The following SLC12A6 variants were observed in gnomAD, a reference collection of about 807,000 sequenced individuals.
SLC12A6 encodes solute carrier family 12 member 6.
Under a neutral mutation model 135.3 loss-of-function variants are expected in SLC12A6, and 66 were observed. The ratio of observed to expected loss-of-function variants is 0.49; its 90% CI spans 0.40 to 0.60. The LOEUF (loss-of-function observed/expected upper bound fraction) is 0.60, where lower values mean the gene tolerates loss of function less well. Among genes scored for constraint, SLC12A6 ranks in the 20% least tolerant of loss-of-function variants. The probability of loss-of-function intolerance (pLI) is 0.00; values close to 1 mark genes in which losing one functional copy is unlikely to be tolerated. For synonymous variants in SLC12A6, 513 were observed against 508.8 expected (o/e 1.01, Z -0.11); for missense variants, 1,058 against 1,452.3 (o/e 0.73, Z 4.41).
intron 2 of SLC12A6, among the ~76,000 whole-genome samples, chr15:34,304,651 T>C (rs347852): frequency 0.059 from 8,937 of 152,284 alleles, 846 homozygotes; most frequent in African/African-American, 0.2. Flanking sequence ...ATGTTGAGCA[T>C]CTTTTCATGT....
intron 2 of SLC12A6, among the ~76,000 whole-genome samples, chr15:34,295,615 G>T (rs558562992): frequency 6.6e-6 from 1 of 152,234 alleles, no homozygotes; most frequent in Non-Finnish European, 1.5e-5. Flanking sequence ...GATTTATAAC[G>T]ATACAGTCAT....
chr15:34,246,571 T>G (rs188545011), intron 13 of SLC12A6, among the ~76,000 whole-genome samples: 141 of 152,324 alleles, frequency 9.3e-4, no homozygotes, highest in African/African-American at 3.2e-3. Flanking sequence ...GTGTTGACTT[T>G]CTATTATATA....
At chr15:34,262,701 C>T (rs1197618938) in intron 3 of SLC12A6, among the ~76,000 whole-genome samples, 3 of 152,172 alleles carry the variant, frequency 2.0e-5, no homozygotes, top group Non-Finnish European at 4.4e-5. Flanking sequence ...TGCGGACACC[C>T]GTCTGGGCGC....
chr15:34,251,914 G>T (rs2705109), intron 10 of SLC12A6, among the ~76,000 whole-genome samples: 5 of 152,220 alleles, frequency 3.3e-5, no homozygotes, highest in Non-Finnish European at 5.9e-5. Context: ...CGTAAGGTTA[G>T]AAAGTGATTT....
chr15:34,237,277 G>A, intron 22 of SLC12A6, 142 bp downstream of exon 22: 1 of 586,504 alleles, frequency 1.7e-6, no homozygotes, highest in South Asian at 2.0e-5. Flanking sequence ...ACAAATTAGG[G>A]TTTTTTTTTG....
intron 2 of SLC12A6, among the ~76,000 whole-genome samples, chr15:34,282,734 C>T (rs577537121): frequency 6.6e-6 from 1 of 152,196 alleles, no homozygotes; most frequent in Admixed American, 6.5e-5. Flanking sequence ...CTCATTCATT[C>T]ACTCAGCACT....
intron 2 of SLC12A6, among the ~76,000 whole-genome samples, chr15:34,299,953 C>G (rs1460207330): frequency 6.6e-6 from 1 of 151,944 alleles, no homozygotes; most frequent in African/African-American, 2.4e-5. Context: ...CAAAAAATAA[C>G]AATGGACTAG....
rs1892850223 is a variant in SLC12A6 at position 34,257,740 on chromosome 15, T to C, written c.592A>G (p.Asn198Asp). 1 of 1,610,236 alleles carries C rather than the reference T, an allele frequency of 6.2e-7. No individual in the cohort carries two copies. The highest frequency in any genetic ancestry group is 8.5e-7 in the Non-Finnish European group (1 of 1,176,494). ...FMGVYLPCLQ[N>D]IFGVILFLRL... ...AAAAAAAGGATCACTCCAAAAATAT[T>C]TTGTAGACATGGGAGGTAGACACCC... The change falls in exon 6 of 26, where the codon AAT becomes GAT. Residue 198 changes from asparagine to aspartate, a missense_variant. Physicochemically the swap from Asn to Asp is conservative, Grantham distance 23. This residue lies in a region of SLC12A6 where 139 missense variants were observed against 202.2 expected (regional missense o/e 0.69). Coordinates refer to ENST00000354181, the MANE Select transcript of SLC12A6 (RefSeq NM_001365088.1).
chr15:34,244,630 C>T (rs1378009917), intron 15 of SLC12A6, among the ~76,000 whole-genome samples: 1 of 152,196 alleles, frequency 6.6e-6, no homozygotes, highest in Non-Finnish European at 1.5e-5. Context: ...CCACTCTAGC[C>T]AAGCCAAACT....
At chr15:34,311,440 G>A (rs532316251) in intron 2 of SLC12A6, among the ~76,000 whole-genome samples, 1 of 152,152 alleles carries the variant, frequency 6.6e-6, no homozygotes, top group Non-Finnish European at 1.5e-5. Flanking sequence ...GTAAAACTTT[G>A]TTATATTGGT....
In SLC12A6 at chr15:34,231,286, C is replaced by G. The variant is rs2140613372; in HGVS notation, c.*2595G>C. 6.6e-6 allele frequency: 1 copy of G among 151,982 alleles called. No individual in the cohort carries two copies. Among genetic ancestry groups the G allele is most frequent in the Non-Finnish European group, 1.5e-5 (1 of 68,130 alleles). The allele number at this position is 151,982 out of a possible 1,614,324, so 9.4% of individuals were successfully genotyped here. A position where few individuals can be genotyped will look rare whatever the true frequency, so the allele number is the denominator to read the frequency against. On this transcript the variant is annotated 3_prime_UTR_variant, in exon 26 of 26. Coordinates refer to ENST00000354181, the MANE Select transcript of SLC12A6 (RefSeq NM_001365088.1). ...CTGAGGCAGGAGAATCGCTTGAACC[C>G]AGGAGGCAGAGGTTGCGGTGAGCCA...
intron 2 of SLC12A6, among the ~76,000 whole-genome samples, chr15:34,288,367 G>C (rs1895266802): frequency 6.6e-6 from 1 of 152,226 alleles, no homozygotes; most frequent in Non-Finnish European, 1.5e-5. Flanking sequence ...CCAGTACCAT[G>C]CTGTTTTGGA....
intron 3 of SLC12A6, 27 bp downstream of exon 3, chr15:34,275,316 TAA>T (rs770943222): frequency 1.6e-6 from 2 of 1,215,686 alleles, no homozygotes; most frequent in Non-Finnish European, 2.4e-6. Flanking sequence ...TGACTTTGGA[TAA>T]AGTCAATCCC....
chr15:34,318,558 C>G (rs1888817013), intron 2 of SLC12A6: 1 of 1,612,730 alleles, frequency 6.2e-7, no homozygotes, highest in Non-Finnish European at 8.5e-7. Context: ...GTTGCGTACT[C>G]ACCTGGTTCA....
chr15:34,322,978 CAAAAA>C (rs1218702689), intron 2 of SLC12A6, among the ~76,000 whole-genome samples: 2,436 of 38,392 alleles, frequency 0.063, 8 homozygotes, highest in Middle Eastern at 0.15. Context: ...AACTCTGTCT[CAAAAA>C]AAAAAAAAAA....
chr15:34,292,893 G>A (rs1895638184), intron 2 of SLC12A6, among the ~76,000 whole-genome samples: 1 of 152,192 alleles, frequency 6.6e-6, no homozygotes, highest in Non-Finnish European at 1.5e-5. Context: ...GGGCAGGAGT[G>A]TACCACTCCT....
intron 2 of SLC12A6, among the ~76,000 whole-genome samples, chr15:34,327,165 T>C (rs1889524178): frequency 6.6e-6 from 1 of 151,798 alleles, no homozygotes; most frequent in Non-Finnish European, 1.5e-5. Context: ...AATGAAAAAA[T>C]ACCAAAACTG....
intron 2 of SLC12A6, among the ~76,000 whole-genome samples, chr15:34,311,431 TAA>T (rs1888249520): frequency 6.6e-6 from 1 of 152,228 alleles, no homozygotes; most frequent in African/African-American, 2.4e-5. Flanking sequence ...CAATAATCAG[TAA>T]AACTTTGTTA....
chr15:34,317,885 C>G lies in SLC12A6; in HGVS notation c.271+18525G>C, dbSNP rs115921915. Among the ~76,000 whole-genome samples the G allele has an allele frequency of 5.7e-3, 864 of 152,184 alleles. 11 individuals carry two copies. Among genetic ancestry groups the G allele is most frequent in the African/African-American group, 0.019 (807 of 41,504 alleles). ...AATTGCTTGTTTAAAAATTCAAAAC[C>G]ACAATTCCTCTAGCAAGTGTGAACT... On this transcript the variant is annotated intron_variant, in intron 2 of 25. Coordinates refer to ENST00000354181, the MANE Select transcript of SLC12A6 (RefSeq NM_001365088.1).
Sources: gnomAD v4.1 joint callset for allele counts (sites outside exome capture counted in the v4.1 genomes callset) on GRCh38, gnomAD v4.1.1 for gene constraint, gnomAD v4.1.1 regional missense constraint, MANE v1.5 for transcripts, NCBI Gene and HGNC (gene_info 2026-07-23, HGNC 2026-07-21) for gene names.